TEKT5: variants seen among roughly 807,000 people sequenced by gnomAD.
TEKT5 encodes tektin-5.
TEKT5 carries 52 observed loss-of-function variants against 48.7 expected under a neutral mutation model. The observed-to-expected ratio is 1.07, with a 90% confidence interval of 0.86 to 1.35. TEKT5 has a LOEUF of 1.35. Ranked by LOEUF, TEKT5 falls within the 40% of genes most tolerant of loss-of-function variation. The pLI, the probability that TEKT5 is intolerant of heterozygous loss-of-function variation, is 0.00. For synonymous variants in TEKT5, 318 were observed against 267.6 expected, an observed-to-expected ratio of 1.19 and a Z score of -1.84; for missense variants, 831 against 641.6, an observed-to-expected ratio of 1.30 and a Z score of -3.19.
At chr16:10,689,705 T>C (rs536979577) in intron 2 of TEKT5, among the ~76,000 whole-genome samples, 1 of 152,272 alleles carries the variant, frequency 6.6e-6, no homozygotes, top group East Asian at 1.9e-4. Context: ...TTTATTATTG[T>C]TATTGGTATA....
Position 10,667,551 on chromosome 16 carries a change from T to C in TEKT5, c.1086+8408A>G, listed in dbSNP as rs114933886. ...ATCCGACCACGTGGCAGCTTTGGGG[T>C]TGCTCTGAATCCATTCTGGTTCAGG... On this transcript the variant is annotated intron_variant, in intron 5 of 6. Transcript: ENST00000283025. 6.2e-3 allele frequency among the ~76,000 whole-genome samples: 938 copies of C among 152,334 alleles called. 6 individuals are homozygous for C. Among genetic ancestry groups the C allele is most frequent in the African/African-American group, 0.021 (878 of 41,584 alleles).
chr16:10,648,638 C>T (rs890815740), intron 5 of TEKT5, among the ~76,000 whole-genome samples: 1 of 152,156 alleles, frequency 6.6e-6, no homozygotes, highest in Non-Finnish European at 1.5e-5. Context: ...TGCCTGCATC[C>T]CCTGGTTTTT....
intron 5 of TEKT5, among the ~76,000 whole-genome samples, chr16:10,663,284 T>C (rs956889237): frequency 1.3e-5 from 2 of 152,242 alleles, no homozygotes; most frequent in African/African-American, 2.4e-5. Context: ...TGCCTGTGTC[T>C]TGTGACAGTG....
chr16:10,667,133 G>C (rs1898471929), intron 5 of TEKT5, among the ~76,000 whole-genome samples: 1 of 151,966 alleles, frequency 6.6e-6, no homozygotes, highest in South Asian at 2.1e-4. Context: ...ACAGGCGCAT[G>C]CCACCATGCC....
At position 10,661,242 on chromosome 16, in the gene TEKT5, A is replaced by G. The variant is rs1898365255; in HGVS notation, c.1086+14717T>C. On this transcript the variant is annotated intron_variant, in intron 5 of 6. Coordinates refer to ENST00000283025, the MANE Select transcript of TEKT5 (RefSeq NM_144674.2). ...TGCAACCCCTGTTATAAACTATTCC[A>G]GGGGAAATCACAATCCCCCAAAGCT... 3.9e-5 allele frequency among the ~76,000 whole-genome samples: 6 copies of G among 152,132 alleles called. No homozygotes were observed. The South Asian group carries it at 1.2e-3, about 31-fold the overall frequency.
At chr16:10,649,282 C>T (rs564719521) in intron 5 of TEKT5, among the ~76,000 whole-genome samples, 35 of 151,900 alleles carry the variant, frequency 2.3e-4, no homozygotes, top group African/African-American at 7.0e-4. Flanking sequence ...CCATGCCTGG[C>T]TAATTTTTTG....
intron 4 of TEKT5, among the ~76,000 whole-genome samples, chr16:10,679,243 C>A (rs1898702620): frequency 6.6e-6 from 1 of 152,014 alleles, no homozygotes. Context: ...ATAGCAAACA[C>A]CAGGTAAAAG....
chr16:10,689,214 C>A, intron 3 of TEKT5, 39 bp downstream of exon 3: 1 of 1,557,594 alleles, frequency 6.4e-7, no homozygotes, highest in Non-Finnish European at 8.7e-7. Context: ...CTAAAACAAA[C>A]CCCAAGGAGA....
chr16:10,693,467 G>C (rs1567238456), intron 1 of TEKT5, among the ~76,000 whole-genome samples: 1 of 152,198 alleles, frequency 6.6e-6, no homozygotes, highest in East Asian at 1.9e-4. Flanking sequence ...CCTGTCCTAG[G>C]CTGGGAATAC....
chr16:10,689,930 G>T lies in TEKT5; in HGVS notation c.648+12C>A. 1 of 1,613,864 alleles carries T rather than the reference G, an allele frequency of 6.2e-7. No homozygotes were observed. Among genetic ancestry groups the T allele is most frequent in the Non-Finnish European group, 8.5e-7 (1 of 1,179,964 alleles). ...CCTTCAGGGGGCTGGGCAGAACCAG[G>T]AGATGCCTTACCCGGATAAGGTTTT... On this transcript the variant is annotated intron_variant, in intron 2 of 6. Coordinates refer to ENST00000283025, the MANE Select transcript of TEKT5 (RefSeq NM_144674.2).
chr16:10,681,370 ACTCTCTGTCTCT>A (rs71133385), intron 4 of TEKT5, among the ~76,000 whole-genome samples: 53,982 of 147,790 alleles, frequency 0.37, 10,237 homozygotes, highest in East Asian at 0.62. Flanking sequence ...TCCAGATTCC[ACTCTCTGTCTCT>A]CTCTCTCTCT....
In TEKT5 at chr16:10,627,645, C is replaced by T. The variant is rs756006503; in HGVS notation, c.1396G>A (p.Glu466Lys). Reference sequence around the variant, plus strand: ...GTCTTACGCATGCCCATGCACTTCTCCTTGTCGATGCAGAGGGTGTTGGCC... The same window carrying T: ...GTCTTACGCATGCCCATGCACTTCTTCTTGTCGATGCAGAGGGTGTTGGCC... ...IKANTLCIDK[E>K]KCMGMRKTFP... The change falls in exon 7 of 7, where the codon GAG becomes AAG. Residue 466 changes from glutamate to lysine, a missense_variant. Glu to Lys is a moderately conservative substitution (Grantham distance 56). Transcript: ENST00000283025. The T allele has an allele frequency of 6.2e-6, 10 of 1,614,186 alleles. No homozygotes were observed. Among genetic ancestry groups the T allele is most frequent in the East Asian group, 2.2e-5 (1 of 44,862 alleles).
chr16:10,680,836 A>T (rs1354490195), intron 4 of TEKT5, among the ~76,000 whole-genome samples: 2 of 118,850 alleles, frequency 1.7e-5, no homozygotes, highest in African/African-American at 3.1e-5. Context: ...AGGAAGGGGA[A>T]CATCACACTC....
chr16:10,641,367 AAG>A (rs1897992727), intron 5 of TEKT5, among the ~76,000 whole-genome samples: 2 of 152,154 alleles, frequency 1.3e-5, no homozygotes, highest in African/African-American at 4.8e-5. Context: ...CATGGTCCCC[AAG>A]CACCAGCCAC....
At chr16:10,690,635 C>T in intron 1 of TEKT5, 1 of 985,396 alleles carries the variant, frequency 1.0e-6, no homozygotes, top group Non-Finnish European at 1.2e-6. Flanking sequence ...GCAGATCTCC[C>T]AGTGGAGGGA....
At chr16:10,653,708 T>C (rs759352764) in intron 5 of TEKT5, among the ~76,000 whole-genome samples, 4 of 151,586 alleles carry the variant, frequency 2.6e-5, no homozygotes, top group Non-Finnish European at 5.9e-5. Flanking sequence ...AGGTTAGGAG[T>C]TCGAGACCAG....
intron 6 of TEKT5, among the ~76,000 whole-genome samples, chr16:10,629,022 G>A (rs1390094677): frequency 1.3e-5 from 2 of 152,100 alleles, no homozygotes; most frequent in African/African-American, 4.8e-5. Flanking sequence ...TTGCGTGACT[G>A]CATGCACAGG....
At chr16:10,650,090 G>T (rs756964229) in intron 5 of TEKT5, among the ~76,000 whole-genome samples, 55 of 136,694 alleles carry the variant, frequency 4.0e-4, no homozygotes, top group Non-Finnish European at 6.2e-4. Flanking sequence ...TATTTTTTTT[G>T]AGACGAAGTC....
intron 5 of TEKT5, among the ~76,000 whole-genome samples, chr16:10,675,393 C>A (rs959161675): frequency 5.3e-5 from 8 of 152,214 alleles, no homozygotes; most frequent in African/African-American, 1.9e-4. Context: ...AGAGCCAACC[C>A]AGAGGTGTGA....
Sources: gnomAD v4.1 joint callset for allele counts (sites outside exome capture counted in the v4.1 genomes callset) on GRCh38, gnomAD v4.1.1 for gene constraint, MANE v1.5 for transcripts, NCBI Gene and HGNC (gene_info 2026-07-23, HGNC 2026-07-21) for gene names.